Variants in ZNF75D observed in about 807,000 individuals in gnomAD.
The protein encoded by ZNF75D is zinc finger protein 75D.
Under a neutral mutation model 33.3 loss-of-function variants are expected in ZNF75D, and 33 were observed. The observed-to-expected ratio is 0.99, with a 90% CI of 0.75 to 1.32. ZNF75D has a LOEUF of 1.32. Ranked by LOEUF, ZNF75D falls within the 40% of genes most tolerant of loss-of-function variation. The pLI is 0.00. For missense variants in ZNF75D, 338 were observed against 367.5 expected (o/e 0.92, Z 0.66); for synonymous variants, 113 against 130.6 (o/e 0.87, Z 0.92).
intron 6 of ZNF75D, among the ~76,000 whole-genome samples, chrX:135,289,225 C>G (rs1205663979): frequency 8.9e-6 from 1 of 112,880 alleles, no homozygotes; most frequent in African/African-American, 3.2e-5. Flanking sequence ...GCAGAGGCAG[C>G]CCATGCTGCC....
chrX:135,294,629 T>C (rs1556422268), intron 2 of ZNF75D, among the ~76,000 whole-genome samples: 1 of 111,382 alleles, frequency 9.0e-6, no homozygotes, highest in African/African-American at 3.3e-5. Flanking sequence ...TATTGGCAAA[T>C]AGGGCCTATT....
At chrX:135,265,517 C>A (rs1372239121) in intron 1 of ZNF75D, among the ~76,000 whole-genome samples, 1 of 111,709 alleles carries the variant, frequency 9.0e-6, no homozygotes, top group African/African-American at 3.3e-5. Context: ...GCAGACTTTT[C>A]GATGGAAACC....
intron 1 of ZNF75D, among the ~76,000 whole-genome samples, chrX:135,263,600 C>G (rs781972248): frequency 8.9e-6 from 1 of 112,876 alleles, no homozygotes. Flanking sequence ...AGCAAGGCTC[C>G]GTGGGTGTGG....
At chrX:135,306,079 C>T (rs1056248496) in intron 1 of ZNF75D, among the ~76,000 whole-genome samples, 1 of 111,131 alleles carries the variant, frequency 9.0e-6, no homozygotes, top group Non-Finnish European at 1.9e-5. Flanking sequence ...CTGTCAGATT[C>T]GCATCATTTC....
chrX:135,290,895 G>A (rs1315058990), intron 6 of ZNF75D, 114 bp downstream of exon 6: 1 of 730,325 alleles, frequency 1.4e-6, no homozygotes, highest in African/African-American at 2.1e-5. Flanking sequence ...TCATCAAGTT[G>A]AGAATCAATC....
Position 135,328,025 on chromosome X carries a change from A to C in ZNF75D, c.-391+13743T>G, listed in dbSNP as rs144119316. 9.0e-3 allele frequency among the ~76,000 whole-genome samples: 1,010 copies of C among 112,294 alleles called. 1 individual carries two copies. Among genetic ancestry groups the C allele is most frequent in the South Asian group, 0.015 (41 of 2,704 alleles). ...AGAATAACTATATTGTTACCATTAA[A>C]GTGTGACCCATATGGGTATTGTCCA... is the stretch of plus-strand genomic sequence containing the variant. On this transcript the variant is annotated intron_variant, in intron 1 of 6. Transcript: ENST00000370766.
At chrX:135,275,800 A>G (rs895594060) in intron 1 of ZNF75D, among the ~76,000 whole-genome samples, 2 of 111,310 alleles carry the variant, frequency 1.8e-5, no homozygotes, top group Non-Finnish European at 3.8e-5. Context: ...TGTTGGGACC[A>G]CAGGAATTGA....
intron 1 of ZNF75D, among the ~76,000 whole-genome samples, chrX:135,329,444 AT>A (rs1490898083): frequency 9.0e-6 from 1 of 111,215 alleles, no homozygotes; most frequent in Non-Finnish European, 1.9e-5. Flanking sequence ...TGCCCAGCTA[AT>A]TTTTTGTATT....
At chrX:135,327,307 A>G (rs1428482680) in intron 1 of ZNF75D, among the ~76,000 whole-genome samples, 1 of 112,705 alleles carries the variant, frequency 8.9e-6, no homozygotes, top group African/African-American at 3.2e-5. Context: ...CTCCCAGACC[A>G]CTGAGCAGCC....
At chrX:135,269,758 A>G (rs922672037) in intron 1 of ZNF75D, among the ~76,000 whole-genome samples, 2 of 112,002 alleles carry the variant, frequency 1.8e-5, no homozygotes, top group Admixed American at 1.9e-4. Context: ...ATATACAGCA[A>G]ATAAAATTAG....
intron 1 of ZNF75D, among the ~76,000 whole-genome samples, chrX:135,277,401 G>A (rs1450127566): frequency 2.7e-5 from 3 of 111,858 alleles, no homozygotes; most frequent in Admixed American, 9.5e-5. Flanking sequence ...CTTATCAGAC[G>A]GATAGATTGT....
At chrX:135,303,723 G>A (rs1453084876) in intron 1 of ZNF75D, among the ~76,000 whole-genome samples, 1 of 112,871 alleles carries the variant, frequency 8.9e-6, no homozygotes, top group African/African-American at 3.2e-5. Flanking sequence ...AGCCAGCTGT[G>A]AAGCTGGAGC....
chrX:135,285,421 ATGAATG>A (rs2148465851), downstream of ZNF75D, among the ~76,000 whole-genome samples: 1 of 112,585 alleles, frequency 8.9e-6, no homozygotes, highest in Non-Finnish European at 1.9e-5. Context: ...CTAGAACCAA[ATGAATG>A]TCATGCCAGA....
chrX:135,306,288 T>TACACACACACACAC (rs57049630), intron 1 of ZNF75D, among the ~76,000 whole-genome samples: 44 of 83,234 alleles, frequency 5.3e-4, no homozygotes, highest in Admixed American at 4.5e-3. Flanking sequence ...CAGAGATACA[T>TACACACACACACAC]ACACACACAC....
downstream of ZNF75D, among the ~76,000 whole-genome samples, chrX:135,281,538 A>G (rs1396715565): frequency 9.0e-6 from 1 of 110,615 alleles, no homozygotes; most frequent in African/African-American, 3.3e-5. Context: ...GCTGGCGAGG[A>G]GTTGTGGTCC....
chrX:135,272,373 T>A lies in ZNF75D; in HGVS notation n.828-16596A>T, dbSNP rs139251938. 1.4e-4 allele frequency among the ~76,000 whole-genome samples: 15 copies of A among 106,065 alleles called. No individual in the cohort carries two copies. The East Asian group carries it at 4.4e-3, about 31-fold the overall frequency. The allele number at this position is 106,065 out of a possible 115,157, so 92.1% of individuals were successfully genotyped here. A position where few individuals can be genotyped will look rare whatever the true frequency, so the allele number is the denominator to read the frequency against. On this transcript the variant is annotated intron_variant and non_coding_transcript_variant, in intron 1 of 3. Coordinates refer to the ZNF75D transcript ENST00000494295. Reference sequence around the variant, plus strand: ...CAGCTATCTGCCTACTCTAACAGAGTCAGTAGAGGAGTTTCAAGGACAAGA... The same window carrying A: ...CAGCTATCTGCCTACTCTAACAGAGACAGTAGAGGAGTTTCAAGGACAAGA...
At chrX:135,317,411 C>A (rs1266402769) in intron 1 of ZNF75D, among the ~76,000 whole-genome samples, 1 of 111,456 alleles carries the variant, frequency 9.0e-6, no homozygotes, top group East Asian at 2.8e-4. Flanking sequence ...TACACTGGCA[C>A]CATTGTTAGC....
At chrX:135,316,580 A>C (rs1360163167) in intron 1 of ZNF75D, among the ~76,000 whole-genome samples, 1 of 111,878 alleles carries the variant, frequency 8.9e-6, no homozygotes, top group African/African-American at 3.2e-5. Flanking sequence ...ATTTCATTAA[A>C]TAGGTTTTCA....
At chrX:135,275,291 G>A (rs1421836915) in intron 1 of ZNF75D, among the ~76,000 whole-genome samples, 4 of 112,276 alleles carry the variant, frequency 3.6e-5, no homozygotes, top group Non-Finnish European at 7.5e-5. Flanking sequence ...GATTTAGTGT[G>A]GAGCCAAATT....
Sources: allele counts gnomAD v4.1 joint callset (sites outside exome capture counted in the v4.1 genomes callset), GRCh38; gene constraint gnomAD v4.1.1; transcripts MANE v1.5; gene names NCBI Gene and HGNC (gene_info 2026-07-23, HGNC 2026-07-21).